Variants in KATNAL1 observed in about 807,000 individuals in gnomAD.
KATNAL1 encodes the protein katanin p60 ATPase-containing subunit A-like 1.
A neutral mutation model predicts 55.2 loss-of-function variants in KATNAL1; 32 were observed. That is an observed-to-expected ratio of 0.58 (90% CI 0.44 to 0.78). The LOEUF (loss-of-function observed/expected upper bound fraction) is 0.78, where lower values mean the gene tolerates loss of function less well. Ranked by LOEUF, KATNAL1 falls within the 30% of genes least tolerant of loss-of-function variation. The pLI, the probability that KATNAL1 is intolerant of heterozygous loss-of-function variation, is 0.00. For missense variants in KATNAL1, 466 were observed against 600.9 expected (o/e 0.78, Z 2.35); for synonymous variants, 193 against 193.6 (o/e 1.00, Z 0.02).
chr13:30,233,118 G>A (rs904708011), intron 6 of KATNAL1, among the ~76,000 whole-genome samples: 1 of 151,988 alleles, frequency 6.6e-6, no homozygotes, highest in Non-Finnish European at 1.5e-5. Flanking sequence ...CAGATAAATA[G>A]ATTATATCAA....
intron 1 of KATNAL1, among the ~76,000 whole-genome samples, chr13:30,293,122 TA>T (rs567302546): frequency 1.4e-3 from 217 of 152,232 alleles, no homozygotes; most frequent in African/African-American, 4.9e-3. Context: ...TGAATTTCAT[TA>T]AAAATTTCTT....
Position 30,269,586 on chromosome 13 carries a change from G to C in KATNAL1, c.323+10477C>G, listed in dbSNP as rs558560866. Among the ~76,000 whole-genome samples, 1,439 of 150,728 alleles carry C rather than the reference G, an allele frequency of 9.5e-3. 21 individuals carry two copies. Among genetic ancestry groups the C allele is most frequent in the African/African-American group, 0.034 (1,386 of 40,972 alleles). On this transcript the variant is annotated intron_variant, in intron 3 of 10. Transcript: ENST00000380615. ...CTGGCTGCCCAGTCTGGAAAGTGAG[G>C]AGCGTCTCTGCCCGGCCGCCATCCC... is the stretch of plus-strand genomic sequence containing the variant.
chr13:30,210,269 C>A, intron 10 of KATNAL1, 47 bp downstream of exon 10: 1 of 1,501,944 alleles, frequency 6.7e-7, no homozygotes, highest in Non-Finnish European at 8.9e-7. Context: ...AGTCCTCCTG[C>A]GAAGTCTATA....
rs144763277 is a variant in KATNAL1, at chr13:30,291,176, G to A, written c.-14-7385C>T. 6.8e-3 allele frequency among the ~76,000 whole-genome samples: 1,031 copies of A among 152,316 alleles called. 8 individuals are homozygous for A. The highest frequency in any genetic ancestry group is 8.8e-3 in the Non-Finnish European group (599 of 68,036). ...GCTTTTATTTACAGAAAACATGATT[G>A]TCAGTGGAGAAAATCCTAGGGAATC... is the stretch of plus-strand genomic sequence containing the variant. On this transcript the variant is annotated intron_variant, in intron 1 of 10. Transcript: ENST00000380615.
chr13:30,252,130 G>C (rs1566107813), intron 4 of KATNAL1, among the ~76,000 whole-genome samples: 4 of 152,180 alleles, frequency 2.6e-5, no homozygotes, highest in African/African-American at 9.7e-5. Context: ...TCAAATCCTA[G>C]TTCACCATCT....
At chr13:30,263,841 C>G (rs1011426311) in intron 3 of KATNAL1, among the ~76,000 whole-genome samples, 3 of 144,948 alleles carry the variant, frequency 2.1e-5, no homozygotes, top group East Asian at 2.0e-4. Context: ...CATCAAGCTA[C>G]CAATGACTTT....
chr13:30,227,473 C>T lies in KATNAL1; in HGVS notation c.1086G>A (p.Trp362Ter). ...TTCTTCGCAAAGCTTCATCAATGTC[C>T]CACGGGAAATTAGTAGCAGCCAATA... The part of the protein sequence containing the change: ...VMVLAATNFP[W>*]DIDEALRRRL... The change falls in exon 9 of 11, where the codon TGG becomes TGA. Residue 362 changes from tryptophan to a stop codon, truncating the protein, a stop_gained. Coordinates refer to ENST00000380615, the MANE Select transcript of KATNAL1 (RefSeq NM_032116.5). LOFTEE classifies it high-confidence loss of function. 1.2e-6 allele frequency: 2 copies of T among 1,613,740 alleles called. No homozygotes were observed. The highest frequency in any genetic ancestry group is 1.7e-6 in the Non-Finnish European group (2 of 1,179,784).
chr13:30,263,671 A>G (rs1593909975), intron 3 of KATNAL1, among the ~76,000 whole-genome samples: 1 of 150,122 alleles, frequency 6.7e-6, no homozygotes, highest in East Asian at 2.0e-4. Context: ...CTTACAAGGG[A>G]TGTGAAGGAC....
chr13:30,213,788 C>G (rs1433289747), intron 9 of KATNAL1, among the ~76,000 whole-genome samples: 1 of 152,204 alleles, frequency 6.6e-6, no homozygotes, highest in Admixed American at 6.5e-5. Context: ...ATAATAAGAG[C>G]TACCTATGAC....
chr13:30,294,718 T>C lies in KATNAL1; in HGVS notation c.-14-10927A>G, dbSNP rs977600369. Reference sequence around the variant, plus strand: ...ATTGGAAAAATATTTCATCTAAGACTTTCCTGGCTAGAGAGGAAAAGTGAA... The same window carrying C: ...ATTGGAAAAATATTTCATCTAAGACCTTCCTGGCTAGAGAGGAAAAGTGAA... On this transcript the variant is annotated intron_variant, in intron 1 of 10. Coordinates refer to ENST00000380615, the MANE Select transcript of KATNAL1 (RefSeq NM_032116.5). Among the ~76,000 whole-genome samples, 11 of 152,114 alleles carry C rather than the reference T, an allele frequency of 7.2e-5. No individual in the cohort carries two copies. In the South Asian group the frequency reaches 1.7e-3, roughly 23 times the overall value.
At chr13:30,211,653 T>G (rs995284916) in intron 9 of KATNAL1, among the ~76,000 whole-genome samples, 2 of 152,238 alleles carry the variant, frequency 1.3e-5, no homozygotes, top group Non-Finnish European at 2.9e-5. Context: ...CAATTGATCT[T>G]ATACAGCCAA....
chr13:30,247,156 T>A (rs1348667353), intron 4 of KATNAL1, among the ~76,000 whole-genome samples: 1 of 152,120 alleles, frequency 6.6e-6, no homozygotes, highest in South Asian at 2.1e-4. Context: ...CCAGAATCAG[T>A]GCTTTCAACC....
chr13:30,246,171 A>G (rs1877776502), intron 4 of KATNAL1, among the ~76,000 whole-genome samples: 1 of 152,186 alleles, frequency 6.6e-6, no homozygotes. Flanking sequence ...AGTAACCAAA[A>G]CAGCATGGTG....
chr13:30,223,094 TAAAC>T (rs1184532756), intron 9 of KATNAL1, among the ~76,000 whole-genome samples: 13 of 137,984 alleles, frequency 9.4e-5, no homozygotes, highest in African/African-American at 2.4e-4. Flanking sequence ...GGCTCCGACT[TAAAC>T]AAACAAACAA....
rs1872998250 is a variant in KATNAL1, at chr13:30,205,216, T to G, written c.*3324A>C. 1 of 152,212 alleles carries G rather than the reference T, an allele frequency of 6.6e-6. No individual in the cohort carries two copies. The highest frequency in any genetic ancestry group is 2.4e-5 in the African/African-American group (1 of 41,450). The allele number at this position is 152,212 out of a possible 1,614,324, so 9.4% of individuals were successfully genotyped here. A position where few individuals can be genotyped will look rare whatever the true frequency, so the allele number is the denominator to read the frequency against. Reference sequence around the variant, plus strand: ...AAGCACAAACAGATTACTATGCCTCTCCATCAGTGATCTAAACTCTTGTTT... The same window carrying G: ...AAGCACAAACAGATTACTATGCCTCGCCATCAGTGATCTAAACTCTTGTTT... On this transcript the variant is annotated 3_prime_UTR_variant, in exon 11 of 11. Transcript: ENST00000380615.
At chr13:30,238,363 A>G (rs1216300217) in intron 6 of KATNAL1, among the ~76,000 whole-genome samples, 1 of 152,210 alleles carries the variant, frequency 6.6e-6, no homozygotes, top group East Asian at 1.9e-4. Context: ...CTTGCTCAAG[A>G]TCACAGAATA....
chr13:30,251,495 G>A (rs1435610178), intron 4 of KATNAL1, among the ~76,000 whole-genome samples: 1 of 152,104 alleles, frequency 6.6e-6, no homozygotes, highest in Non-Finnish European at 1.5e-5. Context: ...ATTCCCAAGG[G>A]AGCCTGTTGG....
intron 2 of KATNAL1, among the ~76,000 whole-genome samples, chr13:30,281,080 G>A (rs984384778): frequency 4.7e-5 from 6 of 128,538 alleles, no homozygotes; most frequent in African/African-American, 1.9e-4. Flanking sequence ...CTACAATCAC[G>A]CTCCTGCACT....
chr13:30,302,142 T>C (rs1023035422), intron 1 of KATNAL1, among the ~76,000 whole-genome samples: 8 of 152,226 alleles, frequency 5.3e-5, no homozygotes, highest in Admixed American at 5.2e-4. Context: ...CCCAAAGTGC[T>C]GGGATAACAA....
Sources: allele counts gnomAD v4.1 joint callset (sites outside exome capture counted in the v4.1 genomes callset), GRCh38; gene constraint gnomAD v4.1.1; transcripts MANE v1.5; gene names NCBI Gene and HGNC (gene_info 2026-07-23, HGNC 2026-07-21).